The following MATN2 variants were observed in gnomAD, a reference collection of about 807,000 sequenced individuals.
MATN2 encodes matrilin 2, also known as matrilin-2.
In MATN2, 69 loss-of-function variants were observed where a neutral mutation model predicts 103.2. The ratio of observed to expected loss-of-function variants is 0.67; its 90% confidence interval spans 0.55 to 0.82. The LOEUF (loss-of-function observed/expected upper bound fraction) is 0.82. Ranked by LOEUF, MATN2 falls within the 40% of genes least tolerant of loss-of-function variation. MATN2 has a pLI of 0.00. For missense variants in MATN2, 1,023 were observed against 1,211.5 expected, an observed-to-expected ratio of 0.84 and a Z score of 2.31; for synonymous variants, 429 against 450.2, an observed-to-expected ratio of 0.95 and a Z score of 0.60.
chr8:97,994,664 C>T lies in MATN2; in HGVS notation c.1204+62C>T, dbSNP rs1015185949. ...GCTAAATGCTCCTCTAGTTAGTTTT[C>T]CTTTCCGTGCAAATCTTAAGCAAGA... On this transcript the variant is annotated intron_variant, in intron 7 of 18. Coordinates refer to ENST00000254898, the MANE Select transcript of MATN2 (RefSeq NM_002380.5). 9 of 1,537,640 alleles carry T rather than the reference C, an allele frequency of 5.9e-6. No homozygotes were observed. In the African/African-American group the frequency reaches 1.2e-4, roughly 21 times the overall value.
chr8:98,016,372 C>A (rs568454474), intron 10 of MATN2, among the ~76,000 whole-genome samples, 168 bp from the exon 11 acceptor site: 9 of 152,114 alleles, frequency 5.9e-5, no homozygotes, highest in Non-Finnish European at 1.3e-4. Flanking sequence ...GACCCTTTCT[C>A]AAAAAAGAAT....
intron 2 of MATN2, among the ~76,000 whole-genome samples, chr8:97,927,693 C>T (rs531827094): frequency 3.9e-4 from 59 of 152,250 alleles, no homozygotes; most frequent in African/African-American, 1.4e-3. Flanking sequence ...ACCTTTGTGG[C>T]GTTTTTGTAC....
At chr8:97,894,772 A>G (rs1411572739) in intron 2 of MATN2, among the ~76,000 whole-genome samples, 2 of 152,184 alleles carry the variant, frequency 1.3e-5, no homozygotes, top group East Asian at 3.8e-4. Flanking sequence ...GAAACCTCCT[A>G]AGTGAGCAAT....
intron 2 of MATN2, among the ~76,000 whole-genome samples, chr8:97,889,727 G>A (rs1443896730): frequency 3.3e-5 from 5 of 151,984 alleles, no homozygotes; most frequent in East Asian, 1.9e-4. Flanking sequence ...ACAGACATGA[G>A]CCACTACGCA....
chr8:97,924,783 G>A (rs1378681860), intron 2 of MATN2, among the ~76,000 whole-genome samples: 1 of 151,322 alleles, frequency 6.6e-6, no homozygotes, highest in African/African-American at 2.4e-5. Context: ...TAGCTTTCAG[G>A]CCCTGAGTCC....
intron 6 of MATN2, among the ~76,000 whole-genome samples, chr8:97,987,478 C>T (rs1369150277): frequency 6.6e-6 from 1 of 152,130 alleles, no homozygotes; most frequent in African/African-American, 2.4e-5. Flanking sequence ...CTTAAGGGAG[C>T]AATTTTTAAA....
intron 6 of MATN2, among the ~76,000 whole-genome samples, chr8:97,989,883 A>G (rs200564936): frequency 1.5e-5 from 1 of 66,886 alleles, no homozygotes; most frequent in East Asian, 3.1e-4. Context: ...TATGAAATTT[A>G]AAAAAATACC....
intron 1 of MATN2, 185 bp from the exon 2 acceptor site, chr8:97,887,890 C>A (rs961679326): frequency 1.9e-6 from 1 of 514,696 alleles, no homozygotes; most frequent in South Asian, 2.8e-5. Context: ...CTGCTCGGAG[C>A]GTCCAAGAAG....
intron 2 of MATN2, among the ~76,000 whole-genome samples, chr8:97,911,140 C>T (rs901655153): frequency 6.6e-6 from 1 of 151,580 alleles, no homozygotes; most frequent in African/African-American, 2.4e-5. Context: ...AGGCATGCGC[C>T]ACCAGGCCCA....
At chr8:98,010,640 G>A (rs749435394) in intron 10 of MATN2, among the ~76,000 whole-genome samples, 13 of 152,164 alleles carry the variant, frequency 8.5e-5, no homozygotes, top group African/African-American at 3.1e-4. Context: ...ATTGCTGCCT[G>A]GAAACCCATC....
Position 98,033,607 on chromosome 8 carries a change from T to C in MATN2, c.2763T>C (p.Leu921=), listed in dbSNP as rs1563739526. Residue 921 remains leucine (L), a synonymous_variant, in exon 18 of 19, where the codon CTT becomes CTC. Coordinates refer to ENST00000254898, the MANE Select transcript of MATN2 (RefSeq NM_002380.5). ...ACGATCAATGCAAATGTGAAAACCT[T>C]ATAATGTTCCAGAACCTTGCAAACG... The part of the protein sequence containing the change: ...EKHDQCKCEN[L]IMFQNLANEE... 2 of 1,607,574 alleles carry C rather than the reference T, an allele frequency of 1.2e-6. No individual in the cohort carries two copies. The highest frequency in any genetic ancestry group is 1.1e-5 in the South Asian group (1 of 89,110).
chr8:97,962,656 G>T (rs1398048301), intron 5 of MATN2, among the ~76,000 whole-genome samples: 2 of 152,132 alleles, frequency 1.3e-5, no homozygotes, highest in East Asian at 3.9e-4. Context: ...GAGTGGCAGG[G>T]TTCCACACCC....
At chr8:97,916,929 GTTTTTCCTTTCCTTT>G (rs1466922905) in intron 2 of MATN2, among the ~76,000 whole-genome samples, 1 of 152,104 alleles carries the variant, frequency 6.6e-6, no homozygotes, top group African/African-American at 2.4e-5. Flanking sequence ...GATGTGGCGT[GTTTTTCCTTTCCTTT>G]TTTTTCCTTT....
intron 6 of MATN2, among the ~76,000 whole-genome samples, chr8:97,990,523 T>C (rs9785061): frequency 0.016 from 2,433 of 152,314 alleles, 63 homozygotes; most frequent in African/African-American, 0.056. Flanking sequence ...TGCATTAGTG[T>C]TCATAGCTGC....
rs970479132 is a variant in MATN2, at chr8:97,931,725, C to T, written c.712+203C>T. On this transcript the variant is annotated intron_variant, in intron 3 of 18. Transcript: ENST00000254898. The surrounding 1 kb of genome is among the most constrained non-coding windows in gnomAD (Gnocchi z 4.1). Reference sequence around the variant, plus strand: ...TTTTTATTTATTTATCTTTTAGAGACAGGGTCATGCTCTGTCACCCAGGCT... The same window carrying T: ...TTTTTATTTATTTATCTTTTAGAGATAGGGTCATGCTCTGTCACCCAGGCT... Among the ~76,000 whole-genome samples the T allele has an allele frequency of 4.6e-5, 7 of 152,178 alleles. No homozygotes were observed. Among genetic ancestry groups the T allele is most frequent in the Non-Finnish European group, 1.5e-5 (1 of 68,042 alleles).
intron 1 of MATN2, among the ~76,000 whole-genome samples, chr8:97,872,800 G>GT (rs59246813): frequency 0.089 from 12,825 of 144,586 alleles, 1,506 homozygotes; most frequent in African/African-American, 0.27. Flanking sequence ...AAGTCCCCCC[G>GT]TTTTTTTTTT....
chr8:97,907,454 G>C (rs1488001993), intron 2 of MATN2, among the ~76,000 whole-genome samples: 6 of 151,386 alleles, frequency 4.0e-5, no homozygotes, highest in African/African-American at 1.5e-4. Context: ...TGGGACTACA[G>C]GCGCCCGCCA....
In MATN2 at chr8:97,992,745, C is replaced by CAAAAAAAAAA. The variant is rs58985201; in HGVS notation, c.1082-1719_1082-1710dup. Among the ~76,000 whole-genome samples, 36 of 49,578 alleles carry CAAAAAAAAAA rather than the reference C, an allele frequency of 7.3e-4. 3 individuals are homozygous for CAAAAAAAAAA. Among genetic ancestry groups the CAAAAAAAAAA allele is most frequent in the African/African-American group, 2.8e-3 (31 of 11,018 alleles). 32.5% of individuals were successfully genotyped at this position (49,578 alleles called of 152,430 possible). A position where few individuals can be genotyped will look rare whatever the true frequency, so the allele number is the denominator to read the frequency against. On this transcript the variant is annotated intron_variant, in intron 6 of 18. Transcript: ENST00000254898. ...TGGGTGTTAGAGTGAGACTCCATCT[C>CAAAAAAAAAA]AAAAAAAAAAAAAAAAAAAAAAAAA...
intron 1 of MATN2, chr8:97,887,766 A>G (rs554185187): frequency 2.0e-4 from 36 of 179,322 alleles, no homozygotes; most frequent in African/African-American, 8.4e-4. Context: ...AAATGTGACT[A>G]TGAGTAATTG....
Sources: allele counts gnomAD v4.1 joint callset (sites outside exome capture counted in the v4.1 genomes callset), GRCh38; gene constraint gnomAD v4.1.1; non-coding constraint Gnocchi (gnomAD v3.1); transcripts MANE v1.5; gene names NCBI Gene and HGNC (gene_info 2026-07-23, HGNC 2026-07-21).